Variants in HMGB1 observed in about 807,000 individuals in gnomAD.
The protein encoded by HMGB1 is high mobility group box 1.
For missense variants in HMGB1, 79 were observed against 253.5 expected (o/e 0.31, Z 4.67); for synonymous variants, 81 against 84.0 (o/e 0.96, Z 0.19).
intron 1 of HMGB1, among the ~76,000 whole-genome samples, chr13:30,607,079 T>C (rs372786311): frequency 3.9e-5 from 6 of 152,370 alleles, no homozygotes; most frequent in African/African-American, 1.4e-4. Flanking sequence ...TGATGGTTTT[T>C]AGGCTCTTTG....
intron 1 of HMGB1, among the ~76,000 whole-genome samples, chr13:30,593,370 G>T (rs1290458963): frequency 6.6e-6 from 1 of 152,114 alleles, no homozygotes; most frequent in Non-Finnish European, 1.5e-5. Context: ...ACAAGAATTT[G>T]GTAATGTTTG....
At chr13:30,609,431 C>A (rs919151402) in intron 1 of HMGB1, among the ~76,000 whole-genome samples, 1 of 152,154 alleles carries the variant, frequency 6.6e-6, no homozygotes, top group African/African-American at 2.4e-5. Context: ...ATATAGTTGA[C>A]CCCTGAACAA....
chr13:30,506,408 G>A (rs1216359624), intron 1 of HMGB1, among the ~76,000 whole-genome samples: 3 of 152,174 alleles, frequency 2.0e-5, no homozygotes, highest in Admixed American at 6.5e-5. Context: ...GTAGCACGGA[G>A]GCTACCCTCT....
At chr13:30,592,863 CTT>C (rs1255636514) in intron 1 of HMGB1, among the ~76,000 whole-genome samples, 8 of 141,104 alleles carry the variant, frequency 5.7e-5, no homozygotes, top group Admixed American at 1.4e-4. Context: ...AAATTTAGTG[CTT>C]TTTTTTAAAA....
At chr13:30,508,351 A>G (rs944565359) in intron 1 of HMGB1, among the ~76,000 whole-genome samples, 1 of 151,964 alleles carries the variant, frequency 6.6e-6, no homozygotes, top group Admixed American at 6.6e-5. Context: ...ATCTCTAATA[A>G]AAATACAAAA....
At chr13:30,587,092 C>A (rs1193773986) in intron 1 of HMGB1, among the ~76,000 whole-genome samples, 1 of 152,116 alleles carries the variant, frequency 6.6e-6, no homozygotes, top group Non-Finnish European at 1.5e-5. Flanking sequence ...AATAACTTCT[C>A]TACTTGATTA....
At chr13:30,550,075 C>G (rs1444612327) in intron 1 of HMGB1, among the ~76,000 whole-genome samples, 3 of 149,958 alleles carry the variant, frequency 2.0e-5, no homozygotes, top group Non-Finnish European at 4.4e-5. Context: ...AATATTCAAA[C>G]TCACTAGAAA....
chr13:30,521,067 C>T (rs918027210), intron 1 of HMGB1, among the ~76,000 whole-genome samples: 1 of 152,144 alleles, frequency 6.6e-6, no homozygotes, highest in Non-Finnish European at 1.5e-5. Context: ...AGACCTCTTC[C>T]ATTATGTGTC....
chr13:30,585,032 C>T lies in HMGB1; in HGVS notation c.-15+31639G>A, dbSNP rs181806752. On this transcript the variant is annotated intron_variant, in intron 1 of 4. Coordinates refer to the HMGB1 transcript ENST00000405805. ...GTATAATAGCAGACATCTATAGTCC[C>T]AGCTACTCAGGAGGCTGAGAGGTGG... Among the ~76,000 whole-genome samples, 18 of 152,214 alleles carry T rather than the reference C, an allele frequency of 1.2e-4. No homozygotes were observed. In the East Asian group the frequency reaches 3.5e-3, roughly 29 times the overall value.
At chr13:30,466,905 G>A (rs185791479), upstream of HMGB1, among the ~76,000 whole-genome samples, 12 of 152,332 alleles carry the variant, frequency 7.9e-5, no homozygotes, top group Admixed American at 5.2e-4. Context: ...TCCTTGTGAT[G>A]CTATCTTTCC....
At chr13:30,538,787 T>TTTTCTTTCTTTC (rs1868714646) in intron 1 of HMGB1, among the ~76,000 whole-genome samples, 1 of 135,698 alleles carries the variant, frequency 7.4e-6, no homozygotes, top group African/African-American at 2.9e-5. Context: ...CCTTCTTTCT[T>TTTTCTTTCTTTC]TTTCTTTCTT....
At chr13:30,533,485 C>T (rs948817086) in intron 1 of HMGB1, among the ~76,000 whole-genome samples, 13 of 152,128 alleles carry the variant, frequency 8.5e-5, no homozygotes, top group Admixed American at 4.6e-4. Context: ...CTGCCTTAGC[C>T]TCCCAAGTAG....
intron 1 of HMGB1, among the ~76,000 whole-genome samples, chr13:30,598,525 T>C (rs1039256080): frequency 1.3e-5 from 2 of 152,204 alleles, no homozygotes; most frequent in African/African-American, 4.8e-5. Flanking sequence ...CAAAGTGAAA[T>C]AGAAAAACAA....
At chr13:30,503,942 G>C (rs1470202991) in intron 1 of HMGB1, among the ~76,000 whole-genome samples, 1 of 151,696 alleles carries the variant, frequency 6.6e-6, no homozygotes, top group East Asian at 1.9e-4. Context: ...CCAAAATAAA[G>C]ACATACATAC....
intron 1 of HMGB1, among the ~76,000 whole-genome samples, chr13:30,490,976 A>T (rs1887477451): frequency 6.6e-6 from 1 of 152,256 alleles, no homozygotes; most frequent in African/African-American, 2.4e-5. Context: ...ATAGTCCCAG[A>T]CATATATGTT....
At chr13:30,565,108 T>C (rs1357371203) in intron 1 of HMGB1, among the ~76,000 whole-genome samples, 1 of 152,260 alleles carries the variant, frequency 6.6e-6, no homozygotes, top group South Asian at 2.1e-4. Context: ...ATGTAAGTTA[T>C]ATAAAAATCA....
chr13:30,525,853 T>C (rs1240814701), intron 1 of HMGB1, among the ~76,000 whole-genome samples: 5 of 62,402 alleles, frequency 8.0e-5, no homozygotes, highest in Admixed American at 1.7e-4. Context: ...CAAGATGAGA[T>C]TGTGGGGGGA....
chr13:30,545,415 T>C, intron 1 of HMGB1, among the ~76,000 whole-genome samples: 1 of 151,678 alleles, frequency 6.6e-6, no homozygotes, highest in African/African-American at 2.4e-5. Flanking sequence ...CTGTTATTCA[T>C]ATAAATCTGG....
At chr13:30,464,728 G>C (rs1432123960) in intron 1 of HMGB1, 3 of 539,562 alleles carry the variant, frequency 5.6e-6, no homozygotes, top group Non-Finnish European at 6.8e-6. Context: ...CCGCCGCGAG[G>C]GCGAGCGCGA....
Sources: allele counts gnomAD v4.1 joint callset (sites outside exome capture counted in the v4.1 genomes callset), GRCh38; gene constraint gnomAD v4.1.1; transcripts MANE v1.5; gene names NCBI Gene and HGNC (gene_info 2026-07-23, HGNC 2026-07-21).